SNX29: variants seen among roughly 807,000 people sequenced by gnomAD.
SNX29 encodes sorting nexin-29.
A neutral mutation model predicts 102.1 loss-of-function variants in SNX29; 78 were observed. The ratio of observed to expected loss-of-function variants is 0.76; its 90% CI spans 0.64 to 0.92. SNX29 has a LOEUF of 0.92. Ranked by LOEUF, SNX29 falls within the 40% of genes least tolerant of loss-of-function variation. The pLI, the probability that SNX29 is intolerant of heterozygous loss-of-function variation, is 0.00. For missense variants in SNX29, 1,280 were observed against 1,061.7 expected (o/e 1.21, Z -2.86); for synonymous variants, 580 against 414.5 (o/e 1.40, Z -4.85).
At chr16:12,488,442 C>T (rs112186001) in intron 19 of SNX29, among the ~76,000 whole-genome samples, 137 of 119,558 alleles carry the variant, frequency 1.1e-3, no homozygotes, top group Non-Finnish European at 1.6e-3. Flanking sequence ...TTCCCGCAGT[C>T]CCCCCCGTCC....
chr16:12,116,985 C>A lies in SNX29; in HGVS notation c.1403-9648C>A, dbSNP rs112636879. ...CAATACGTGCTTCAATGCGGATGAACCATGGAAACAGGCGTGGTCAATACG... is the reference window on the plus strand; with the variant it reads ...CAATACGTGCTTCAATGCGGATGAAACATGGAAACAGGCGTGGTCAATACG... On this transcript the variant is annotated intron_variant, in intron 11 of 20. Coordinates refer to ENST00000566228, the MANE Select transcript of SNX29 (RefSeq NM_032167.5). Among the ~76,000 whole-genome samples, 1,080 of 150,716 alleles carry A rather than the reference C, an allele frequency of 7.2e-3. 11 individuals carry two copies. Among genetic ancestry groups the A allele is most frequent in the Middle Eastern group, 0.028 (8 of 286 alleles).
intron 11 of SNX29, among the ~76,000 whole-genome samples, chr16:12,118,502 T>C (rs982541794): frequency 2.6e-5 from 4 of 151,704 alleles, no homozygotes; most frequent in Non-Finnish European, 2.9e-5. Context: ...GTGTTTTTAG[T>C]AGAGATGGGA....
At chr16:12,428,821 T>C (rs1267671086) in intron 18 of SNX29, among the ~76,000 whole-genome samples, 1 of 152,264 alleles carries the variant, frequency 6.6e-6, no homozygotes, top group African/African-American at 2.4e-5. Flanking sequence ...TTCTAGTTAA[T>C]TCCAACACAT....
At chr16:12,191,292 A>C (rs2141902379) in intron 13 of SNX29, among the ~76,000 whole-genome samples, 1 of 152,220 alleles carries the variant, frequency 6.6e-6, no homozygotes, top group East Asian at 1.9e-4. Context: ...TTGGTTCCTG[A>C]CAGCCACGGT....
At chr16:12,362,551 ACTC>A (rs1176357144) in intron 16 of SNX29, among the ~76,000 whole-genome samples, 1 of 23,496 alleles carries the variant, frequency 4.3e-5, no homozygotes, top group African/African-American at 1.4e-4. Flanking sequence ...TGGCTGCTGC[ACTC>A]CCCCCCCACC....
At chr16:12,145,544 A>G (rs979444543) in intron 13 of SNX29, among the ~76,000 whole-genome samples, 2 of 152,198 alleles carry the variant, frequency 1.3e-5, no homozygotes, top group African/African-American at 4.8e-5. Flanking sequence ...AGAATTCTTA[A>G]GTCCGGGAAT....
intron 16 of SNX29, chr16:12,374,812 A>C (rs1403463018): frequency 6.6e-6 from 1 of 152,154 alleles, no homozygotes. Context: ...ACTGTTTTGC[A>C]TGATTCTGAT....
At chr16:12,407,138 C>T (rs1439491732) in intron 18 of SNX29, among the ~76,000 whole-genome samples, 1 of 150,962 alleles carries the variant, frequency 6.6e-6, no homozygotes, top group Non-Finnish European at 1.5e-5. Flanking sequence ...ACCACACTGG[C>T]CATGAAAGGC....
chr16:12,265,263 C>T (rs2078891768), intron 14 of SNX29, among the ~76,000 whole-genome samples: 1 of 152,178 alleles, frequency 6.6e-6, no homozygotes, highest in African/African-American at 2.4e-5. Flanking sequence ...AACTGCTTTT[C>T]ACTTGGGGGG....
chr16:12,155,836 G>A (rs1446397157), intron 13 of SNX29, among the ~76,000 whole-genome samples: 1 of 152,178 alleles, frequency 6.6e-6, no homozygotes, highest in African/African-American at 2.4e-5. Context: ...CTGCTGCAAG[G>A]AAGGGTCCCA....
rs535537698 is a variant in SNX29 at position 12,570,047 on chromosome 16, G to A, written c.*1418G>A. 10 of 508,140 alleles carry A rather than the reference G, an allele frequency of 2.0e-5. No individual in the cohort carries two copies. The highest frequency in any genetic ancestry group is 9.0e-5 in the South Asian group (1 of 11,122). 31.5% of individuals were successfully genotyped at this position (508,140 alleles called of 1,614,324 possible). ...TGAGCATGGAGCATCTCCTAGGCTC[G>A]AGGACATCTCTGGAGAATCATCTGG... On this transcript the variant is annotated 3_prime_UTR_variant, in exon 21 of 21. Coordinates refer to ENST00000566228, the MANE Select transcript of SNX29 (RefSeq NM_032167.5).
intron 20 of SNX29, among the ~76,000 whole-genome samples, chr16:12,565,186 C>T (rs760567603): frequency 6.6e-6 from 1 of 152,158 alleles, no homozygotes; most frequent in Non-Finnish European, 1.5e-5. Context: ...AACCCCCCAC[C>T]TTCAGATTCT....
At chr16:12,472,529 CAA>C (rs60223249) in intron 18 of SNX29, among the ~76,000 whole-genome samples, 1 of 72,938 alleles carries the variant, frequency 1.4e-5, no homozygotes, top group South Asian at 4.2e-4. Flanking sequence ...AAAAAAAAAC[CAA>C]AAAAAAAAAA....
At chr16:12,072,546 G>C (rs2051351778) in intron 10 of SNX29, among the ~76,000 whole-genome samples, 1 of 152,132 alleles carries the variant, frequency 6.6e-6, no homozygotes, top group Non-Finnish European at 1.5e-5. Context: ...TAAGCTTTTT[G>C]ATGTGCTGCT....
intron 11 of SNX29, among the ~76,000 whole-genome samples, chr16:12,103,632 G>C (rs1313748876): frequency 6.6e-6 from 1 of 152,164 alleles, no homozygotes; most frequent in Non-Finnish European, 1.5e-5. Flanking sequence ...ATAGGCATGG[G>C]CAAAGACTTC....
chr16:12,189,309 G>A (rs760272184), intron 13 of SNX29, among the ~76,000 whole-genome samples: 17 of 152,114 alleles, frequency 1.1e-4, no homozygotes, highest in Non-Finnish European at 2.4e-4. Context: ...GGTTGAGTCC[G>A]GAATGACACA....
intron 20 of SNX29, among the ~76,000 whole-genome samples, chr16:12,542,298 T>C (rs933524339): frequency 6.6e-6 from 1 of 152,182 alleles, no homozygotes; most frequent in African/African-American, 2.4e-5. Context: ...TTGCCCAAGA[T>C]CACAGCTAGT....
intron 10 of SNX29, among the ~76,000 whole-genome samples, chr16:12,074,062 T>C (rs2051427864): frequency 6.6e-6 from 1 of 152,066 alleles, no homozygotes; most frequent in African/African-American, 2.4e-5. Context: ...CCTATGTGTG[T>C]CTCTGCACGT....
intron 11 of SNX29, among the ~76,000 whole-genome samples, chr16:12,125,622 T>C (rs1313351530): frequency 1.1e-4 from 13 of 120,988 alleles, no homozygotes; most frequent in East Asian, 2.2e-4. Flanking sequence ...TTTTTTTTTT[T>C]TTTTTTTTTT....
Sources: gnomAD v4.1 joint callset for allele counts (sites outside exome capture counted in the v4.1 genomes callset) on GRCh38, gnomAD v4.1.1 for gene constraint, MANE v1.5 for transcripts, NCBI Gene and HGNC (gene_info 2026-07-23, HGNC 2026-07-21) for gene names.